Variants in KIF20B observed in about 807,000 individuals in gnomAD.
KIF20B encodes kinesin family member 20B.
KIF20B carries 188 observed loss-of-function variants against 232.5 expected under a neutral mutation model. The observed-to-expected ratio is 0.81, with a 90% CI of 0.72 to 0.91. KIF20B has a LOEUF of 0.91. Among genes scored for constraint, KIF20B ranks in the 40% least tolerant of loss-of-function variants. The probability of loss-of-function intolerance (pLI) is 0.00; values close to 1 mark genes in which losing one functional copy is unlikely to be tolerated. For missense variants in KIF20B, 2,154 were observed against 2,055.9 expected (o/e 1.05, Z -0.92); for synonymous variants, 712 against 683.0 (o/e 1.04, Z -0.66).
At position 89,760,557 on chromosome 10, in the gene KIF20B, G is replaced by GT; in HGVS notation, c.4713dup (p.Ile1572TyrfsTer2). On this transcript the variant is annotated frameshift_variant, in exon 28 of 33. Transcript: ENST00000371728. LOFTEE classifies it high-confidence loss of function. ...CAAATCATGGATATCAAGCCCAAAC[G>GT]TATTAGTTCAGCAGATCCTGACAAA... 6 of 1,612,632 alleles carry GT rather than the reference G, an allele frequency of 3.7e-6. No individual in the cohort carries two copies. The highest frequency in any genetic ancestry group is 5.1e-6 in the Non-Finnish European group (6 of 1,178,992).
chr10:89,727,722 C>A, intron 16 of KIF20B, 134 bp from the exon 17 acceptor site: 1 of 741,432 alleles, frequency 1.3e-6, no homozygotes, highest in Non-Finnish European at 2.1e-6. Context: ...GGGTGTGCTT[C>A]TAGTGCTATC....
intron 16 of KIF20B, 124 bp from the exon 17 acceptor site, chr10:89,727,732 C>A: frequency 1.2e-6 from 1 of 862,668 alleles, no homozygotes; most frequent in Non-Finnish European, 1.7e-6. Flanking sequence ...CTAGTGCTAT[C>A]AAAATCCTTT....
At chr10:89,718,632 C>A in intron 11 of KIF20B, 78 bp from the exon 12 acceptor site, 1 of 1,132,734 alleles carries the variant, frequency 8.8e-7, no homozygotes, top group South Asian at 1.4e-5. Flanking sequence ...TTAATTATTT[C>A]TTTGTAAAAT....
chr10:89,738,532 C>T lies in KIF20B; in HGVS notation c.3691C>T (p.Gln1231Ter), dbSNP rs1437897090. The change falls in exon 20 of 33, where the codon CAG becomes TAG. Residue 1231 changes from glutamine (Q) to a stop codon, truncating the protein, a stop_gained. Transcript: ENST00000371728. LOFTEE classifies it high-confidence loss of function. ...ACTCAAGCTGAAAGAAGAAATCACA[C>T]AGTTAACAAATAATTTGCAAGATAT... is the stretch of plus-strand genomic sequence containing the variant. ...KELKLKEEIT[Q>*]LTNNLQDMKH... 2.5e-6 allele frequency: 4 copies of T among 1,598,574 alleles called. No individual in the cohort carries two copies. Among genetic ancestry groups the T allele is most frequent in the Non-Finnish European group, 2.6e-6 (3 of 1,173,980 alleles).
At chr10:89,757,038 G>GTA (rs1286710895) in intron 26 of KIF20B, among the ~76,000 whole-genome samples, 130 of 79,076 alleles carry the variant, frequency 1.6e-3, no homozygotes, top group African/African-American at 5.1e-3. Flanking sequence ...GTGTGTGTGT[G>GTA]TGTATATATA....
Position 89,743,927 on chromosome 10 carries a change from G to GGT in KIF20B, c.4035+1_4035+2dup. ...AACAGCGAACCATTCAGCAACTCAA[G>GGT]GTAAACAGTTTTGTTTTTAAAGATG... On this transcript the variant is annotated frameshift_variant and splice_region_variant. Coordinates refer to ENST00000371728, the MANE Select transcript of KIF20B (RefSeq NM_001284259.2). LOFTEE classifies it high-confidence loss of function. The GGT allele has an allele frequency of 6.3e-7, 1 of 1,578,820 alleles. No individual in the cohort carries two copies. The highest frequency in any genetic ancestry group is 8.6e-7 in the Non-Finnish European group (1 of 1,168,064).
At chr10:89,749,581 C>G (rs1417768266) in intron 23 of KIF20B, among the ~76,000 whole-genome samples, 2 of 152,134 alleles carry the variant, frequency 1.3e-5, no homozygotes, top group Non-Finnish European at 2.9e-5. Flanking sequence ...CCCCATCCCT[C>G]CAGCTCCTAT....
At chr10:89,749,120 C>G (rs547206755) in intron 23 of KIF20B, among the ~76,000 whole-genome samples, 26 of 152,286 alleles carry the variant, frequency 1.7e-4, no homozygotes, top group Non-Finnish European at 2.5e-4. Context: ...TACCACTTTT[C>G]TCTCAGAATG....
chr10:89,768,612 A>ATTTAT, intron 30 of KIF20B, 126 bp from the exon 31 acceptor site: 1 of 927,366 alleles, frequency 1.1e-6, no homozygotes, highest in East Asian at 2.7e-5. Context: ...CCCTGTCCTT[A>ATTTAT]CATACTTAAA....
At chr10:89,735,318 G>A (rs1841625015) in intron 19 of KIF20B, among the ~76,000 whole-genome samples, 1 of 151,952 alleles carries the variant, frequency 6.6e-6, no homozygotes. Context: ...ATTACATTTA[G>A]GATTATTATT....
At chr10:89,705,598 GAAT>G (rs1842706032) in intron 2 of KIF20B, among the ~76,000 whole-genome samples, 157 bp downstream of exon 2, 1 of 152,102 alleles carries the variant, frequency 6.6e-6, no homozygotes, top group Non-Finnish European at 1.5e-5. Context: ...ATCAAAATAG[GAAT>G]AATGTCACAT....
At chr10:89,771,919 G>A (rs1390685837) in intron 31 of KIF20B, among the ~76,000 whole-genome samples, 1 of 151,920 alleles carries the variant, frequency 6.6e-6, no homozygotes, top group Non-Finnish European at 1.5e-5. Context: ...AAGCTGGGTT[G>A]TTACTTTCAT....
chr10:89,743,413 G>A (rs899518204), intron 21 of KIF20B, among the ~76,000 whole-genome samples: 1 of 151,948 alleles, frequency 6.6e-6, no homozygotes, highest in Admixed American at 6.6e-5. Context: ...AGTTTTTCTT[G>A]TATTCCTGGA....
rs1843261081 is a variant in KIF20B, at chr10:89,729,115, C to T, written c.2272-13C>T. 1.5e-6 allele frequency: 2 copies of T among 1,372,180 alleles called. No individual in the cohort carries two copies. Among genetic ancestry groups the T allele is most frequent in the East Asian group, 5.6e-5 (2 of 35,854 alleles). The allele number at this position is 1,372,180 out of a possible 1,614,324, so 85.0% of individuals were successfully genotyped here. A position where few individuals can be genotyped will look rare whatever the true frequency, so the allele number is the denominator to read the frequency against. ...GTATATTCATGAAACATTGCTTTTT[C>T]TTCTTTCCAAAGAAAATAATTACAC... On this transcript the variant is annotated splice_polypyrimidine_tract_variant and intron_variant, in intron 17 of 32. Coordinates refer to ENST00000371728, the MANE Select transcript of KIF20B (RefSeq NM_001284259.2).
In KIF20B at chr10:89,709,354, C is replaced by G. The variant is rs1395185860; in HGVS notation, c.244C>G (p.His82Asp). The change falls in exon 4 of 33, where the codon CAT becomes GAT. Residue 82 changes from histidine to aspartate, a missense_variant. His to Asp is a moderately conservative substitution (Grantham distance 81, BLOSUM62 -1). Coordinates refer to ENST00000371728, the MANE Select transcript of KIF20B (RefSeq NM_001284259.2). The part of the protein sequence containing the change: ...EKELESEGCV[H>D]ILDSQTVVLK... The stretch of plus-strand genomic sequence containing the variant: ...GGGGTATGTTTTCTAGGGCTGTGTG[C>G]ATATTCTGGATTCACAGACTGTTGT... 1.9e-6 allele frequency: 3 copies of G among 1,611,972 alleles called. No individual in the cohort carries two copies. Among genetic ancestry groups the G allele is most frequent in the Non-Finnish European group, 2.5e-6 (3 of 1,178,696 alleles).
At chr10:89,703,584 T>G (rs1564655155) in intron 1 of KIF20B, among the ~76,000 whole-genome samples, 2 of 152,108 alleles carry the variant, frequency 1.3e-5, no homozygotes, top group African/African-American at 4.8e-5. Flanking sequence ...AGCAGTGGCT[T>G]GGGGGTCTTG....
chr10:89,739,038 C>T lies in KIF20B; in HGVS notation c.3857C>T (p.Ala1286Val), dbSNP rs1403068630. 9 of 1,613,380 alleles carry T rather than the reference C, an allele frequency of 5.6e-6. No individual in the cohort carries two copies. The highest frequency in any genetic ancestry group is 7.6e-6 in the Non-Finnish European group (9 of 1,179,600). Residue 1286 changes from alanine (A) to valine (V), a missense_variant, in exon 21 of 33, where the codon GCT (alanine) becomes GTT (valine). Transcript: ENST00000371728. ...CTTCAGAGGAAGGAAGAAGATTATG[C>T]TGACCTGAAAGAGAAACTGACTGAT... Reference protein sequence around the residue: ...ADLQRKEEDYADLKEKLTDAK... With the variant: ...ADLQRKEEDYVDLKEKLTDAK...
chr10:89,771,500 A>G (rs1842459977), intron 31 of KIF20B, among the ~76,000 whole-genome samples: 1 of 152,042 alleles, frequency 6.6e-6, no homozygotes, highest in Admixed American at 6.6e-5. Flanking sequence ...ATGCATAGCC[A>G]ATGCATTATA....
chr10:89,763,102 T>C (rs899755768), intron 29 of KIF20B, among the ~76,000 whole-genome samples: 1 of 152,034 alleles, frequency 6.6e-6, no homozygotes, highest in African/African-American at 2.4e-5. Context: ...GTCAACATGG[T>C]AAAACCCGTC....
Sources: gnomAD v4.1 joint callset for allele counts (sites outside exome capture counted in the v4.1 genomes callset) on GRCh38, gnomAD v4.1.1 for gene constraint, MANE v1.5 for transcripts, NCBI Gene and HGNC (gene_info 2026-07-23, HGNC 2026-07-21) for gene names.